The following DTX4 variants were observed in gnomAD, a reference collection of about 807,000 sequenced individuals.
DTX4 encodes deltex E3 ubiquitin ligase 4, also known as E3 ubiquitin-protein ligase DTX4.
In DTX4, 28 loss-of-function variants were observed where a neutral mutation model predicts 57.6. The ratio of observed to expected loss-of-function variants is 0.49; its 90% CI spans 0.36 to 0.67. The LOEUF is 0.67. DTX4 is among the 30% of genes least tolerant of loss of function. DTX4 has a pLI of 0.00. For missense variants in DTX4, 715 were observed against 836.8 expected (o/e 0.85, Z 1.80); for synonymous variants, 316 against 331.0 (o/e 0.95, Z 0.49).
intron 2 of DTX4, among the ~76,000 whole-genome samples, chr11:59,183,107 G>C (rs114789236): frequency 0.014 from 2,138 of 152,280 alleles, 56 homozygotes; most frequent in African/African-American, 0.049. Context: ...GCTTGTTCAA[G>C]GGTACATAGC....
At chr11:59,175,263 G>A (rs1213433680) in intron 1 of DTX4, among the ~76,000 whole-genome samples, 1 of 152,206 alleles carries the variant, frequency 6.6e-6, no homozygotes, top group Non-Finnish European at 1.5e-5. Context: ...AAGAGATCTG[G>A]AAGTCCCCTG....
chr11:59,191,949 A>G, intron 5 of DTX4, 149 bp from the exon 6 acceptor site: 1 of 825,764 alleles, frequency 1.2e-6, no homozygotes, highest in Middle Eastern at 3.7e-4. Context: ...ACAAAACGAT[A>G]TTTAGATTCC....
intron 2 of DTX4, among the ~76,000 whole-genome samples, chr11:59,186,826 G>A (rs1862534854): frequency 6.6e-6 from 1 of 152,180 alleles, no homozygotes; most frequent in South Asian, 2.1e-4. Flanking sequence ...TGGCCCAGTG[G>A]CCCTTGTTTT....
At position 59,181,988 on chromosome 11, in the gene DTX4, G is replaced by T; in HGVS notation, c.461G>T (p.Arg154Leu). 1 of 1,613,894 alleles carries T rather than the reference G, an allele frequency of 6.2e-7. No homozygotes were observed. Among genetic ancestry groups the T allele is most frequent in the Non-Finnish European group, 8.5e-7 (1 of 1,179,872 alleles). Residue 154 changes from arginine to leucine, a missense_variant, in exon 2 of 9, where the codon CGC becomes CTC. Transcript: ENST00000227451. ...NRQTQRQRRV[R>L]RRLDLIYPMV... is the part of the protein sequence containing the mutation. ...CAGACCCAGCGCCAACGCCGCGTCC[G>T]CCGGCGCCTCGACCTCATCTACCCC...
At chr11:59,175,793 G>A (rs1025052693) in intron 1 of DTX4, among the ~76,000 whole-genome samples, 3 of 152,104 alleles carry the variant, frequency 2.0e-5, no homozygotes, top group Non-Finnish European at 2.9e-5. Flanking sequence ...AGCAGGATGC[G>A]GAAGATCCAG....
At chr11:59,194,908 A>G (rs139457486) in intron 6 of DTX4, 5 of 397,788 alleles carry the variant, frequency 1.3e-5, no homozygotes, top group East Asian at 6.1e-5. Flanking sequence ...GTGGCTGAAT[A>G]ATGACTCCCT....
chr11:59,179,363 G>T (rs1862432364), intron 1 of DTX4, among the ~76,000 whole-genome samples: 1 of 152,156 alleles, frequency 6.6e-6, no homozygotes, highest in Non-Finnish European at 1.5e-5. Context: ...CTGGACTGCT[G>T]GTCCAAGATA....
chr11:59,207,086 T>A lies in DTX4; in HGVS notation c.*2177T>A, dbSNP rs1260529647. On this transcript the variant is annotated 3_prime_UTR_variant, in exon 9 of 9. Transcript: ENST00000227451. Reference sequence around the variant, plus strand: ...TCATGCCGTCTCTACCTTCGCACACTGGTCAAGTATCTGCTGAGCTTCTTG... The same window carrying A: ...TCATGCCGTCTCTACCTTCGCACACAGGTCAAGTATCTGCTGAGCTTCTTG... 6.6e-6 allele frequency: 1 copy of A among 152,246 alleles called. No homozygotes were observed. Among genetic ancestry groups the A allele is most frequent in the East Asian group, 1.9e-4 (1 of 5,198 alleles). The allele number at this position is 152,246 out of a possible 1,614,324, so 9.4% of individuals were successfully genotyped here.
At position 59,198,691 on chromosome 11, in the gene DTX4, G is replaced by T. The variant is rs371726821; in HGVS notation, c.1537-993G>T. Among the ~76,000 whole-genome samples the T allele has an allele frequency of 1.1e-3, 169 of 152,248 alleles. 1 individual carries two copies. The South Asian group carries it at 0.029, about 26-fold the overall frequency. Reference sequence around the variant, plus strand: ...TCATTTATTCAGGCAGGATGTATTTGCTGATCATCTACGTGAGAACTTGTG... The same window carrying T: ...TCATTTATTCAGGCAGGATGTATTTTCTGATCATCTACGTGAGAACTTGTG... On this transcript the variant is annotated intron_variant, in intron 7 of 8. Coordinates refer to ENST00000227451, the MANE Select transcript of DTX4 (RefSeq NM_015177.2).
intron 4 of DTX4, among the ~76,000 whole-genome samples, chr11:59,190,426 A>T (rs1163481404): frequency 6.6e-6 from 1 of 152,216 alleles, no homozygotes; most frequent in Non-Finnish European, 1.5e-5. Context: ...AGCTTAGAGA[A>T]ATTAAGGGAG....
chr11:59,200,565 G>A (rs1862729281), intron 8 of DTX4, among the ~76,000 whole-genome samples: 1 of 152,094 alleles, frequency 6.6e-6, no homozygotes, highest in Non-Finnish European at 1.5e-5. Flanking sequence ...CACTGGTCTG[G>A]GATAGGGATC....
At chr11:59,203,452 C>A (rs1191949475) in intron 8 of DTX4, among the ~76,000 whole-genome samples, 1 of 151,916 alleles carries the variant, frequency 6.6e-6, no homozygotes, top group Non-Finnish European at 1.5e-5. Flanking sequence ...TTAGCCTTGA[C>A]CTACTAAGGG....
intron 2 of DTX4, among the ~76,000 whole-genome samples, chr11:59,185,601 G>A (rs975325735): frequency 6.6e-6 from 1 of 152,154 alleles, no homozygotes. Context: ...CCCCAAAAGG[G>A]TGTGACCAGC....
At chr11:59,176,085 T>C (rs1862392299) in intron 1 of DTX4, among the ~76,000 whole-genome samples, 1 of 152,198 alleles carries the variant, frequency 6.6e-6, no homozygotes, top group African/African-American at 2.4e-5. Flanking sequence ...CTTCTTTATG[T>C]CTTTTAAAGT....
intron 1 of DTX4, among the ~76,000 whole-genome samples, chr11:59,181,419 T>C (rs972743604): frequency 6.6e-6 from 1 of 152,214 alleles, no homozygotes; most frequent in Non-Finnish European, 1.5e-5. Context: ...CTATATTAGC[T>C]AGTAAATGGA....
At chr11:59,181,624 C>T in intron 1 of DTX4, 115 bp from the exon 2 acceptor site, 1 of 1,418,974 alleles carries the variant, frequency 7.0e-7, no homozygotes, top group Non-Finnish European at 9.5e-7. Context: ...ATGCCCAGTA[C>T]ACAGTAGGAC....
chr11:59,203,782 A>G (rs989627298), intron 8 of DTX4, among the ~76,000 whole-genome samples: 1 of 152,254 alleles, frequency 6.6e-6, no homozygotes, highest in Non-Finnish European at 1.5e-5. Context: ...TGTGTGGCAC[A>G]TGGGCATACC....
intron 2 of DTX4, among the ~76,000 whole-genome samples, 187 bp downstream of exon 2, chr11:59,182,649 C>T (rs545074959): frequency 1.3e-5 from 2 of 152,302 alleles, no homozygotes; most frequent in African/African-American, 4.8e-5. Context: ...GATGCTTGGC[C>T]TCTGATCTGG....
intron 6 of DTX4, chr11:59,194,744 AT>A (rs1862640849): frequency 5.5e-6 from 1 of 180,824 alleles, no homozygotes; most frequent in Non-Finnish European, 1.1e-5. Context: ...CTGAAACATT[AT>A]GCTTTGCAGC....
Sources: gnomAD v4.1 joint callset for allele counts (sites outside exome capture counted in the v4.1 genomes callset) on GRCh38, gnomAD v4.1.1 for gene constraint, MANE v1.5 for transcripts, NCBI Gene and HGNC (gene_info 2026-07-23, HGNC 2026-07-21) for gene names.